The following SLC12A3 variants were observed in gnomAD, a reference collection of about 807,000 sequenced individuals.
The protein encoded by SLC12A3 is Na-Cl cotransporter.
Under a neutral mutation model 121.0 loss-of-function variants are expected in SLC12A3, and 104 were observed. That is an observed-to-expected ratio of 0.86 (90% CI 0.73 to 1.01). The LOEUF (loss-of-function observed/expected upper bound fraction) is 1.01, where lower values mean the gene tolerates loss of function less well. Ranked by LOEUF, SLC12A3 falls within the 50% of genes least tolerant of loss-of-function variation. The pLI, the probability that SLC12A3 is intolerant of heterozygous loss-of-function variation, is 0.00. For missense variants in SLC12A3, 1,328 were observed against 1,356.3 expected (o/e 0.98, Z 0.33); for synonymous variants, 536 against 533.4 (o/e 1.00, Z -0.07).
chr16:56,905,585 G>A (rs185854411), intron 25 of SLC12A3, among the ~76,000 whole-genome samples: 17 of 151,916 alleles, frequency 1.1e-4, no homozygotes, highest in Admixed American at 6.6e-4. Context: ...CGAAATGTTC[G>A]TGGAAACTGC....
At position 56,869,735 on chromosome 16, in the gene SLC12A3, C is replaced by T; in HGVS notation, c.512C>T (p.Thr171Ile). ...WITAQAGIVL[T>I]WIIILLSVTV... is the part of the protein sequence containing the mutation. Reference sequence around the variant, plus strand: ...CTTTGGGTGCCCCCTGCAGTCCTGACCTGGATCATCATCCTGCTGTCGGTC... The same window carrying T: ...CTTTGGGTGCCCCCTGCAGTCCTGATCTGGATCATCATCCTGCTGTCGGTC... The change falls in exon 4 of 26, where the codon ACC becomes ATC. Residue 171 changes from threonine to isoleucine, a missense_variant. Physicochemically the swap from Thr to Ile is moderately conservative, Grantham distance 89. Transcript: ENST00000563236. 5 of 1,614,104 alleles carry T rather than the reference C, an allele frequency of 3.1e-6. No individual in the cohort carries two copies. Among genetic ancestry groups the T allele is most frequent in the Non-Finnish European group, 4.2e-6 (5 of 1,179,984 alleles).
At chr16:56,883,906 G>C (rs2055274795) in intron 13 of SLC12A3, 143 bp from the exon 14 acceptor site, 1 of 800,266 alleles carries the variant, frequency 1.2e-6, no homozygotes, top group Non-Finnish European at 2.0e-6. Flanking sequence ...AGGCAGGGTG[G>C]GTGGTGCTCA....
At chr16:56,887,517 C>A (rs900251494) in intron 17 of SLC12A3, among the ~76,000 whole-genome samples, 3 of 151,734 alleles carry the variant, frequency 2.0e-5, no homozygotes, top group African/African-American at 7.3e-5. Flanking sequence ...AGAGCCCCAA[C>A]TTTCTTATGT....
In SLC12A3 at chr16:56,869,811, C is replaced by A; in HGVS notation, c.588C>A (p.Gly196=). 1 of 1,613,956 alleles carries A rather than the reference C, an allele frequency of 6.2e-7. No individual in the cohort carries two copies. Residue 196 remains glycine (G), a synonymous_variant, in exon 4 of 26, where the codon GGC becomes GGA. Transcript: ENST00000563236. Reference sequence around the variant, plus strand: ...CCATCTCAGCCATCTCCACCAATGGCAAGGTCAAGTCAGGTGGGCCATCCC... The same window carrying A: ...CCATCTCAGCCATCTCCACCAATGGAAAGGTCAAGTCAGGTGGGCCATCCC... The part of the protein sequence containing the change: ...GLSISAISTN[G]KVKSGGTYFL...
intron 10 of SLC12A3, 56 bp from the exon 11 acceptor site, chr16:56,879,486 T>C (rs2055208180): frequency 7.0e-7 from 1 of 1,425,730 alleles, no homozygotes; most frequent in East Asian, 2.3e-5. Flanking sequence ...GTGCCACAGA[T>C]GGGGGCTCCT....
chr16:56,869,788 A>G lies in SLC12A3; in HGVS notation c.565A>G (p.Ile189Val). ...VTVTSITGLS[I>V]SAISTNGKVK... is the part of the protein sequence containing the mutation. ...GGTGACCTCCATCACAGGCCTCTCCATCTCAGCCATCTCCACCAATGGCAA... is the reference window on the plus strand; with the variant it reads ...GGTGACCTCCATCACAGGCCTCTCCGTCTCAGCCATCTCCACCAATGGCAA... The change falls in exon 4 of 26, where the codon ATC becomes GTC. Residue 189 changes from isoleucine to valine, a missense_variant. Coordinates refer to ENST00000563236, the MANE Select transcript of SLC12A3 (RefSeq NM_001126108.2). The G allele has an allele frequency of 6.2e-7, 1 of 1,614,002 alleles. No homozygotes were observed. The highest frequency in any genetic ancestry group is 1.1e-5 in the South Asian group (1 of 91,072).
chr16:56,886,121 T>TG (rs2055307451), intron 15 of SLC12A3, among the ~76,000 whole-genome samples: 1 of 152,120 alleles, frequency 6.6e-6, no homozygotes, highest in African/African-American at 2.4e-5. Flanking sequence ...GGGACATGCA[T>TG]GGGGGGTAGC....
At position 56,872,787 on chromosome 16, in the gene SLC12A3, G is replaced by T. The variant is rs1310654829; in HGVS notation, c.1095+1G>T. 6.2e-7 allele frequency: 1 copy of T among 1,614,084 alleles called. No homozygotes were observed. The highest frequency in any genetic ancestry group is 8.5e-7 in the Non-Finnish European group (1 of 1,180,052). On this transcript the variant is annotated splice_donor_variant, in intron 8 of 25. Transcript: ENST00000563236. LOFTEE classifies it high-confidence loss of function. ...GGCCAACATATCTGGTGACCTCAAG[G>T]TGAGCAGAATACTTGCCCCTCCTGT...
chr16:56,870,754 G>T lies in SLC12A3; in HGVS notation c.852+18G>T. The T allele has an allele frequency of 8.6e-6, 13 of 1,518,244 alleles. No homozygotes were observed. Among genetic ancestry groups the T allele is most frequent in the Non-Finnish European group, 1.2e-5 (13 of 1,092,846 alleles). The allele number at this position is 1,518,244 out of a possible 1,614,324, so 94.0% of individuals were successfully genotyped here. On this transcript the variant is annotated intron_variant, in intron 6 of 25. Coordinates refer to ENST00000563236, the MANE Select transcript of SLC12A3 (RefSeq NM_001126108.2). ...AGTCCAAGGTGAGGAGGCCATGGAG[G>T]AGGGGGACATGGAGGTGGTCACGTG...
rs746624442 is a variant in SLC12A3 at position 56,884,165 on chromosome 16, G to A, written c.1786G>A (p.Val596Met). The A allele has an allele frequency of 6.2e-7, 1 of 1,614,090 alleles. No homozygotes were observed. Among genetic ancestry groups the A allele is most frequent in the Non-Finnish European group, 8.5e-7 (1 of 1,180,028 alleles). ...GGCGGCCCTCATCGCCATTGGCGTG[G>A]TGCTCTTCCTCCTGCTCTATGTCAT... The part of the protein sequence containing the change: ...WWAALIAIGV[V>M]LFLLLYVIYK... Residue 596 changes from valine to methionine, a missense_variant, in exon 14 of 26, where the codon GTG becomes ATG. Val to Met is a conservative substitution (Grantham distance 21, BLOSUM62 1). Transcript: ENST00000563236.
chr16:56,897,283 A>G (rs2144754153), intron 22 of SLC12A3, among the ~76,000 whole-genome samples: 1 of 152,242 alleles, frequency 6.6e-6, no homozygotes, highest in South Asian at 2.1e-4. Context: ...ATACAGACAG[A>G]TGGGGCAGTT....
chr16:56,878,954 A>G (rs2055200223), intron 9 of SLC12A3, 119 bp from the exon 10 acceptor site: 2 of 1,216,012 alleles, frequency 1.6e-6, no homozygotes, highest in Admixed American at 4.0e-5. Flanking sequence ...TTATCATTGC[A>G]TAATGAAGGG....
chr16:56,899,125 C>A (rs2055503945), intron 22 of SLC12A3, among the ~76,000 whole-genome samples: 1 of 152,212 alleles, frequency 6.6e-6, no homozygotes, highest in African/African-American at 2.4e-5. Flanking sequence ...TGCCGCTACC[C>A]CCATGTTCTA....
At chr16:56,876,955 GTCC>G (rs1165495473) in intron 8 of SLC12A3, among the ~76,000 whole-genome samples, 3 of 152,206 alleles carry the variant, frequency 2.0e-5, no homozygotes, top group African/African-American at 7.2e-5. Context: ...CCAGAGCTGT[GTCC>G]TCCTCGCAGC....
chr16:56,886,869 C>T (rs1224847624), intron 16 of SLC12A3, 84 bp from the exon 17 acceptor site: 1 of 1,584,016 alleles, frequency 6.3e-7, no homozygotes, highest in African/African-American at 1.3e-5. Context: ...GCCCCTGGGG[C>T]AGCCTCCAGG....
At chr16:56,871,270 C>G (rs910353589) in intron 6 of SLC12A3, among the ~76,000 whole-genome samples, 1 of 152,226 alleles carries the variant, frequency 6.6e-6, no homozygotes, top group Non-Finnish European at 1.5e-5. Context: ...CCACCTGGTC[C>G]ACCATACCCA....
In SLC12A3 at chr16:56,906,429, G is replaced by T. The variant is rs144536013; in HGVS notation, c.2924+1967G>T. On this transcript the variant is annotated intron_variant, in intron 25 of 25. Transcript: ENST00000563236. ...GGTCTCATCAAAGGCTAGAAGCTGA[G>T]CAACCAGTTTGGAGACCTGACCTGG... 1.2e-3 allele frequency: 183 copies of T among 157,112 alleles called. 2 individuals are homozygous for T. The highest frequency in any genetic ancestry group is 2.1e-3 in the Non-Finnish European group (150 of 71,558). 9.7% of individuals were successfully genotyped at this position (157,112 alleles called of 1,614,324 possible).
chr16:56,907,298 A>G (rs1373302170), intron 25 of SLC12A3, among the ~76,000 whole-genome samples: 4 of 152,190 alleles, frequency 2.6e-5, no homozygotes, highest in Non-Finnish European at 5.9e-5. Flanking sequence ...TCTACTAAAA[A>G]TACAAAAAAA....
At chr16:56,882,557 C>A in intron 13 of SLC12A3, 60 bp downstream of exon 13, 4 of 1,331,678 alleles carry the variant, frequency 3.0e-6, no homozygotes, top group African/African-American at 1.4e-5. Flanking sequence ...GGAACTGGGG[C>A]ATGGGGTGGG....
Sources: allele counts gnomAD v4.1 joint callset (sites outside exome capture counted in the v4.1 genomes callset), GRCh38; gene constraint gnomAD v4.1.1; transcripts MANE v1.5; gene names NCBI Gene and HGNC (gene_info 2026-07-23, HGNC 2026-07-21).